The following KLF12 variants were observed in gnomAD, a reference collection of about 807,000 sequenced individuals.
The protein encoded by KLF12 is KLF transcription factor 12.
A neutral mutation model predicts 37.8 loss-of-function variants in KLF12; 9 were observed. The observed-to-expected ratio is 0.24, with a 90% confidence interval of 0.14 to 0.42. The LOEUF is 0.42. Among genes scored for constraint, KLF12 ranks in the 10% least tolerant of loss-of-function variants. KLF12 has a pLI of 1.00. For synonymous variants in KLF12, 208 were observed against 202.1 expected (o/e 1.03, Z -0.25); for missense variants, 411 against 516.0 (o/e 0.80, Z 1.97).
At chr13:73,888,733 G>T (rs952124166) in intron 3 of KLF12, among the ~76,000 whole-genome samples, 3 of 152,150 alleles carry the variant, frequency 2.0e-5, no homozygotes, top group African/African-American at 7.2e-5. Context: ...TTTCTTACAA[G>T]AATGTCATTT....
chr13:74,182,413 A>G, the KLF12 span, among the ~76,000 whole-genome samples: 1 of 152,140 alleles, frequency 6.6e-6, no homozygotes, highest in East Asian at 1.9e-4. Flanking sequence ...GCAGCATTGG[A>G]AGACTAGGTT....
In KLF12 at chr13:73,957,847, G is replaced by T. The variant is rs531596164; in HGVS notation, c.34-13777C>A. Among the ~76,000 whole-genome samples the T allele has an allele frequency of 1.3e-3, 198 of 152,220 alleles. 1 individual carries two copies. The highest frequency in any genetic ancestry group is 2.4e-3 in the Non-Finnish European group (164 of 68,006). ...TAAATTGCTAAAGAAACGAGGGAAG[G>T]GTGCTCTTTATAAAAAATTAAAAGA... On this transcript the variant is annotated intron_variant, in intron 2 of 7. Transcript: ENST00000377669.
At chr13:74,235,200 T>G in the KLF12 span, among the ~76,000 whole-genome samples, 1 of 152,254 alleles carries the variant, frequency 6.6e-6, no homozygotes, top group Non-Finnish European at 1.5e-5. Context: ...TGACTGCCCT[T>G]GTTTGGATAC....
chr13:74,155,840 T>A, the KLF12 span, among the ~76,000 whole-genome samples: 1 of 152,306 alleles, frequency 6.6e-6, no homozygotes, highest in East Asian at 1.9e-4. Context: ...TGTTTTTGTG[T>A]CATCCTGGTA....
chr13:73,962,744 C>CA (rs969089635), intron 2 of KLF12, among the ~76,000 whole-genome samples: 7 of 151,920 alleles, frequency 4.6e-5, no homozygotes, highest in Non-Finnish European at 8.8e-5. Flanking sequence ...CCATGGTCTC[C>CA]AAAAAAAGCA....
chr13:74,298,053 T>A, the KLF12 span, among the ~76,000 whole-genome samples: 2 of 152,138 alleles, frequency 1.3e-5, no homozygotes, highest in Non-Finnish European at 2.9e-5. Context: ...GCCTGTACGG[T>A]GTGGTCAAGA....
At chr13:74,224,974 T>C in the KLF12 span, among the ~76,000 whole-genome samples, 1 of 152,142 alleles carries the variant, frequency 6.6e-6, no homozygotes, top group African/African-American at 2.4e-5. Flanking sequence ...TTGCCCTTTA[T>C]TTGAACAGGA....
the KLF12 span, among the ~76,000 whole-genome samples, chr13:74,260,797 T>A: frequency 6.6e-6 from 1 of 151,988 alleles, no homozygotes; most frequent in African/African-American, 2.4e-5. Context: ...CGGGTATGTG[T>A]GCTAATTGGT....
intron 6 of KLF12, among the ~76,000 whole-genome samples, chr13:73,742,616 C>T (rs375519284): frequency 3.9e-5 from 6 of 152,154 alleles, no homozygotes; most frequent in East Asian, 1.9e-4. Flanking sequence ...GTCCTTCTCA[C>T]ATTTCAAATG....
the KLF12 span, among the ~76,000 whole-genome samples, chr13:74,284,788 A>G: frequency 6.6e-6 from 1 of 152,228 alleles, no homozygotes; most frequent in Admixed American, 6.5e-5. Flanking sequence ...CTCAGCTTTC[A>G]TATATACTAT....
intron 5 of KLF12, among the ~76,000 whole-genome samples, chr13:73,770,774 C>T (rs990650411): frequency 6.6e-6 from 1 of 152,096 alleles, no homozygotes; most frequent in Non-Finnish European, 1.5e-5. Context: ...CCTCCTGCCT[C>T]AGCCTCCCAA....
At chr13:73,880,128 C>T (rs779115532) in intron 3 of KLF12, among the ~76,000 whole-genome samples, 1 of 152,166 alleles carries the variant, frequency 6.6e-6, no homozygotes, top group Non-Finnish European at 1.5e-5. Context: ...CCTCACTCTC[C>T]ACCGTGCACA....
rs1278803837 is a variant in KLF12 at position 73,971,779 on chromosome 13, T to C, written c.33+23211A>G. ...GCACAATGGCTCCTGACTGTAATAC[T>C]ACCACTTTGGGAGGCTAAGGCAGAA... is the stretch of plus-strand genomic sequence containing the variant. On this transcript the variant is annotated intron_variant, in intron 2 of 7. Transcript: ENST00000377669. Among the ~76,000 whole-genome samples, 3 of 152,190 alleles carry C rather than the reference T, an allele frequency of 2.0e-5. No homozygotes were observed. The East Asian group carries it at 5.8e-4, about 29-fold the overall frequency.
chr13:73,724,855 C>T (rs970575516), intron 6 of KLF12, among the ~76,000 whole-genome samples: 11 of 152,140 alleles, frequency 7.2e-5, no homozygotes, highest in Non-Finnish European at 1.5e-5. Flanking sequence ...TTTCCGCTTT[C>T]CAATGATGTT....
intron 3 of KLF12, among the ~76,000 whole-genome samples, chr13:73,907,681 C>T (rs778281761): frequency 4.6e-5 from 7 of 152,202 alleles, no homozygotes; most frequent in Non-Finnish European, 1.0e-4. Flanking sequence ...TGGCACAGTT[C>T]ATCCTGGCAT....
intron 1 of KLF12, among the ~76,000 whole-genome samples, chr13:74,027,379 G>A (rs1415604556): frequency 2.0e-5 from 3 of 152,118 alleles, no homozygotes; most frequent in Non-Finnish European, 4.4e-5. Context: ...ACTTCGCGAT[G>A]TCTGTTCATT....
intron 2 of KLF12, among the ~76,000 whole-genome samples, chr13:73,991,395 G>A (rs139700849): frequency 6.6e-6 from 1 of 152,186 alleles, no homozygotes; most frequent in East Asian, 1.9e-4. Context: ...AGGGCACTTC[G>A]ATTTCTGAAA....
chr13:73,714,333 G>C (rs1264767736), intron 7 of KLF12, among the ~76,000 whole-genome samples: 2 of 152,136 alleles, frequency 1.3e-5, no homozygotes, highest in African/African-American at 4.8e-5. Flanking sequence ...GGGCTAAATG[G>C]AAAATGATGC....
the KLF12 span, among the ~76,000 whole-genome samples, chr13:74,284,040 G>A: frequency 1.3e-5 from 2 of 151,854 alleles, no homozygotes; most frequent in African/African-American, 2.4e-5. Flanking sequence ...TGTATTTTTA[G>A]TAGAGATGGA....
Sources: allele counts gnomAD v4.1 joint callset (sites outside exome capture counted in the v4.1 genomes callset), GRCh38; gene constraint gnomAD v4.1.1; transcripts MANE v1.5; gene names NCBI Gene and HGNC (gene_info 2026-07-23, HGNC 2026-07-21).